OSBPL9: variants seen among roughly 807,000 people sequenced by gnomAD.
The protein encoded by OSBPL9 is oxysterol-binding protein-related protein 9.
Under a neutral mutation model 106.6 loss-of-function variants are expected in OSBPL9, and 40 were observed. The observed-to-expected ratio is 0.38, with a 90% CI of 0.29 to 0.49. OSBPL9 has a LOEUF of 0.49. Among genes scored for constraint, OSBPL9 ranks in the 20% least tolerant of loss-of-function variants. The probability of loss-of-function intolerance (pLI) is 0.97; values close to 1 mark genes in which losing one functional copy is unlikely to be tolerated. For synonymous variants in OSBPL9, 269 were observed against 295.4 expected (o/e 0.91, Z 0.92); for missense variants, 609 against 887.2 (o/e 0.69, Z 3.98).
intron 10 of OSBPL9, 149 bp from the exon 11 acceptor site, chr1:51,761,718 A>C: frequency 1.7e-6 from 1 of 585,400 alleles, no homozygotes; most frequent in South Asian, 2.0e-5. Flanking sequence ...CTAGGAAGTC[A>C]AAAGGAAGGA....
At chr1:51,786,820 T>A (rs891425220) in intron 22 of OSBPL9, among the ~76,000 whole-genome samples, 2 of 152,206 alleles carry the variant, frequency 1.3e-5, no homozygotes, top group Admixed American at 1.3e-4. Context: ...CTTTACCTTC[T>A]TTCCTGAAAT....
chr1:51,647,384 C>T (rs770312029), intron 1 of OSBPL9, among the ~76,000 whole-genome samples: 28 of 152,008 alleles, frequency 1.8e-4, no homozygotes, highest in Non-Finnish European at 3.2e-4. Context: ...TTTTTACGTA[C>T]GATTTTTTTT....
At chr1:51,637,735 G>A (rs1294975890) in intron 1 of OSBPL9, among the ~76,000 whole-genome samples, 1 of 152,124 alleles carries the variant, frequency 6.6e-6, no homozygotes, top group Non-Finnish European at 1.5e-5. Flanking sequence ...AACTTAAGAA[G>A]ACTCTACATT....
chr1:51,544,107 C>G, the OSBPL9 span, among the ~76,000 whole-genome samples: 2 of 152,136 alleles, frequency 1.3e-5, no homozygotes, highest in Non-Finnish European at 2.9e-5. Flanking sequence ...ATCTGTTACC[C>G]AATTTGCTGT....
intron 1 of OSBPL9, among the ~76,000 whole-genome samples, chr1:51,594,194 C>T (rs993333106): frequency 6.6e-6 from 1 of 151,448 alleles, no homozygotes; most frequent in East Asian, 1.9e-4. Flanking sequence ...GTCAGGAGTT[C>T]GAGACAAACC....
At chr1:51,579,540 C>A (rs1645208872) in intron 1 of OSBPL9, among the ~76,000 whole-genome samples, 1 of 152,098 alleles carries the variant, frequency 6.6e-6, no homozygotes, top group South Asian at 2.1e-4. Flanking sequence ...TAAAGCTTAT[C>A]TCTTCAGGTG....
chr1:51,610,196 T>G (rs1006495528), intron 2 of OSBPL9, among the ~76,000 whole-genome samples: 6 of 152,128 alleles, frequency 3.9e-5, no homozygotes, highest in Non-Finnish European at 7.4e-5. Flanking sequence ...TATCTGGGGG[T>G]GGGCACAGGT....
the OSBPL9 span, chr1:51,569,826 C>G: frequency 6.6e-6 from 1 of 152,170 alleles, no homozygotes; most frequent in Non-Finnish European, 1.5e-5. Flanking sequence ...CTTGACCTCA[C>G]CAATCTCTGG....
chr1:51,553,672 T>C, the OSBPL9 span, among the ~76,000 whole-genome samples: 1 of 151,854 alleles, frequency 6.6e-6, no homozygotes, highest in Non-Finnish European at 1.5e-5. Flanking sequence ...CAAGATCCCA[T>C]CTCTAAAAAA....
intron 2 of OSBPL9, among the ~76,000 whole-genome samples, chr1:51,655,985 G>A (rs946933758): frequency 1.1e-4 from 16 of 152,212 alleles, no homozygotes; most frequent in African/African-American, 3.9e-4. Flanking sequence ...GAAATATCTT[G>A]AGGGTTTGTT....
At chr1:51,707,724 TCTTA>T (rs777659997) in intron 3 of OSBPL9, 16 of 183,914 alleles carry the variant, frequency 8.7e-5, no homozygotes, top group South Asian at 6.1e-4. Flanking sequence ...GAGGCTATTT[TCTTA>T]CTTCTCATGG....
rs370159169 is a variant in OSBPL9, at chr1:51,737,147, G to A, written c.319-8389G>A. Among the ~76,000 whole-genome samples the A allele has an allele frequency of 3.9e-5, 6 of 152,002 alleles. No individual in the cohort carries two copies. The South Asian group carries it at 8.3e-4, about 21-fold the overall frequency. On this transcript the variant is annotated intron_variant, in intron 4 of 23. Coordinates refer to ENST00000428468, the MANE Select transcript of OSBPL9 (RefSeq NM_024586.6). ...AGTTTTAAGTGCTTTTTGCTAGTGC[G>A]TGCTTTACCTTTAAATGATATTATA...
intron 1 of OSBPL9, among the ~76,000 whole-genome samples, chr1:51,588,690 AT>A (rs1232661267): frequency 2.6e-5 from 4 of 152,316 alleles, no homozygotes; most frequent in Non-Finnish European, 4.4e-5. Flanking sequence ...CTGGTACACA[AT>A]AAGCATTCAA....
intron 4 of OSBPL9, among the ~76,000 whole-genome samples, chr1:51,726,603 A>AT (rs557965437): frequency 0.012 from 1,745 of 148,354 alleles, 15 homozygotes; most frequent in Non-Finnish European, 0.017. Flanking sequence ...GGCACGGCCT[A>AT]TTTTTTTTTT....
chr1:51,758,669 A>T (rs1002336133), intron 9 of OSBPL9, among the ~76,000 whole-genome samples: 1 of 152,196 alleles, frequency 6.6e-6, no homozygotes, highest in Admixed American at 6.5e-5. Context: ...AAAAGATTAC[A>T]TCCAAAAGAG....
the OSBPL9 span, among the ~76,000 whole-genome samples, chr1:51,522,697 T>A: frequency 1.3e-5 from 2 of 152,242 alleles, no homozygotes; most frequent in Non-Finnish European, 2.9e-5. Context: ...AGAATTTATC[T>A]GTTTTTTCTA....
chr1:51,586,185 TTAA>T lies in OSBPL9; in HGVS notation c.-423+8948_-423+8950del, dbSNP rs150098735. Among the ~76,000 whole-genome samples the T allele has an allele frequency of 6.4e-3, 962 of 151,188 alleles. 10 individuals are homozygous for T. Among genetic ancestry groups the T allele is most frequent in the African/African-American group, 0.021 (877 of 41,288 alleles). ...TGAGACTGTGTCTCAAAAAAATAAA[TTAA>T]TAATAATAATAATAATAAATTAAAA... On this transcript the variant is annotated intron_variant, in intron 1 of 25. Coordinates refer to the OSBPL9 transcript ENST00000371714.
intron 1 of OSBPL9, among the ~76,000 whole-genome samples, chr1:51,643,900 C>T (rs376623785): frequency 8.6e-5 from 13 of 150,336 alleles, no homozygotes; most frequent in East Asian, 7.9e-4. Flanking sequence ...GGCAACAAGG[C>T]GAAACCCCTT....
intron 3 of OSBPL9, among the ~76,000 whole-genome samples, chr1:51,701,492 T>C (rs1557707467): frequency 6.6e-6 from 1 of 152,270 alleles, no homozygotes; most frequent in East Asian, 1.9e-4. Flanking sequence ...AGAAACCTGG[T>C]TCTCATTATC....
Sources: allele counts gnomAD v4.1 joint callset (sites outside exome capture counted in the v4.1 genomes callset), GRCh38; gene constraint gnomAD v4.1.1; transcripts MANE v1.5; gene names NCBI Gene and HGNC (gene_info 2026-07-23, HGNC 2026-07-21).